Variants in GNB1L observed in about 807,000 individuals in gnomAD.
GNB1L encodes the protein G protein subunit beta 1 like, also known as guanine nucleotide-binding protein subunit beta-like protein 1.
In GNB1L, 20 loss-of-function variants were observed where a neutral mutation model predicts 29.1. The observed-to-expected ratio is 0.69, with a 90% CI of 0.48 to 1.00. The LOEUF (loss-of-function observed/expected upper bound fraction) is 1.00. Ranked by LOEUF, GNB1L falls within the 50% of genes least tolerant of loss-of-function variation. The pLI, the probability that GNB1L is intolerant of heterozygous loss-of-function variation, is 0.00. For synonymous variants in GNB1L, 193 were observed against 206.5 expected, an observed-to-expected ratio of 0.93 and a Z score of 0.56; for missense variants, 421 against 464.9, an observed-to-expected ratio of 0.91 and a Z score of 0.87.
At position 19,813,163 on chromosome 22, in the gene GNB1L, A is replaced by C. The variant is rs190353472; in HGVS notation, c.255-716T>G. ...CAGATGCACAGACAGAAATGAGTAC[A>C]GACGGGTGTGTAAGCACAGGTCAGC... On this transcript the variant is annotated intron_variant, in intron 4 of 7. Transcript: ENST00000329517. 3.9e-5 allele frequency among the ~76,000 whole-genome samples: 6 copies of C among 152,344 alleles called. No homozygotes were observed. In the East Asian group the frequency reaches 1.2e-3, roughly 29 times the overall value.
chr22:19,798,177 T>C (rs1937328892), intron 7 of GNB1L, among the ~76,000 whole-genome samples: 1 of 152,086 alleles, frequency 6.6e-6, no homozygotes, highest in Non-Finnish European at 1.5e-5. Flanking sequence ...CGCGGGGCCG[T>C]CAAGTCCAGC....
chr22:19,789,526 A>T lies in GNB1L; in HGVS notation c.733-566T>A, dbSNP rs559205163. ...GCAGGATGAGGGGGGGACAAGGGGG[A>T]GACGCCCTGGAGGCGGCAGGAGCCA... On this transcript the variant is annotated intron_variant, in intron 7 of 7. Transcript: ENST00000329517. Among the ~76,000 whole-genome samples, 14 of 151,242 alleles carry T rather than the reference A, an allele frequency of 9.3e-5. No individual in the cohort carries two copies. The South Asian group carries it at 2.9e-3, about 32-fold the overall frequency.
intron 2 of GNB1L, among the ~76,000 whole-genome samples, chr22:19,838,573 C>T (rs1475589383): frequency 1.3e-5 from 2 of 151,962 alleles, no homozygotes; most frequent in Non-Finnish European, 2.9e-5. Context: ...CAGGTTCAAG[C>T]GATTCTCCTG....
At chr22:19,825,448 T>G (rs887587544) in intron 2 of GNB1L, among the ~76,000 whole-genome samples, 1 of 144,662 alleles carries the variant, frequency 6.9e-6, no homozygotes, top group African/African-American at 2.6e-5. Context: ...AGGGAGACCT[T>G]GCCTTTACAA....
At position 19,820,537 on chromosome 22, in the gene GNB1L, C is replaced by T. The variant is rs554963616; in HGVS notation, c.254+61G>A. On this transcript the variant is annotated intron_variant, in intron 4 of 7. Transcript: ENST00000329517. ...CCTCAGTGGGGGACACCAGAGCCTC[C>T]ATCAGAGAGTTCCTGACTCCCCCGA... 26 of 1,550,156 alleles carry T rather than the reference C, an allele frequency of 1.7e-5. No individual in the cohort carries two copies. In the African/African-American group the frequency reaches 3.0e-4, roughly 18 times the overall value.
chr22:19,790,007 G>C (rs1010849856), intron 7 of GNB1L, among the ~76,000 whole-genome samples: 1 of 152,208 alleles, frequency 6.6e-6, no homozygotes, highest in African/African-American at 2.4e-5. Flanking sequence ...TGCCTGCAAG[G>C]CTGAGGAGGA....
intron 7 of GNB1L, among the ~76,000 whole-genome samples, chr22:19,800,792 C>T (rs1417874182): frequency 6.6e-6 from 1 of 152,214 alleles, no homozygotes; most frequent in Non-Finnish European, 1.5e-5. Context: ...GCACTGGGGC[C>T]GCTCACAGAA....
intron 4 of GNB1L, among the ~76,000 whole-genome samples, chr22:19,818,965 G>T (rs573735892): frequency 6.6e-6 from 1 of 152,322 alleles, no homozygotes; most frequent in South Asian, 2.1e-4. Flanking sequence ...GGGAAACAGA[G>T]AAGCCCCTCA....
At chr22:19,818,061 C>T (rs1452095089) in intron 4 of GNB1L, among the ~76,000 whole-genome samples, 4 of 152,198 alleles carry the variant, frequency 2.6e-5, no homozygotes, top group East Asian at 1.9e-4. Context: ...GGCCGGGTGG[C>T]GGCCCACAGG....
intron 2 of GNB1L, among the ~76,000 whole-genome samples, chr22:19,830,505 G>C (rs555430893): frequency 6.6e-6 from 1 of 152,022 alleles, no homozygotes; most frequent in Non-Finnish European, 1.5e-5. Context: ...CCTACATGAA[G>C]AAAATGTTAA....
At position 19,802,063 on chromosome 22, in the gene GNB1L, T is replaced by C. The variant is rs753443329; in HGVS notation, c.670A>G (p.Ile224Val). ...AGCGCCTTCCCCGCGGAGCCTGAGA[T>C]GCCCCTGGCCTTCTGGGAGTCAAAG... ...LDFDSQKARG[I>V]SGSAGKALAV... The change falls in exon 7 of 8, where the codon ATC (isoleucine) becomes GTC (valine). Residue 224 changes from isoleucine (I) to valine (V), a missense_variant. Ile to Val is a conservative substitution (Grantham distance 29). Coordinates refer to ENST00000329517, the MANE Select transcript of GNB1L (RefSeq NM_053004.3). 5 of 1,612,870 alleles carry C rather than the reference T, an allele frequency of 3.1e-6. No individual in the cohort carries two copies. In the Admixed American group the frequency reaches 6.7e-5, roughly 22 times the overall value.
intron 7 of GNB1L, among the ~76,000 whole-genome samples, chr22:19,801,366 CT>C (rs1937368724): frequency 6.6e-6 from 1 of 152,208 alleles, no homozygotes; most frequent in Non-Finnish European, 1.5e-5. Context: ...GGAGACTCCC[CT>C]TGCCCCCACC....
At chr22:19,821,115 G>C (rs568580721) in intron 3 of GNB1L, 113 bp downstream of exon 3, 3 of 1,058,756 alleles carry the variant, frequency 2.8e-6, no homozygotes, top group Non-Finnish European at 4.1e-6. Context: ...CCTGGGTGGC[G>C]AGCAGTCCAT....
chr22:19,846,404 T>C, intron 2 of GNB1L: 1 of 984,956 alleles, frequency 1.0e-6, no homozygotes, highest in African/African-American at 1.7e-5. Context: ...AACTGGGCAC[T>C]GCCTACTCAA....
intron 2 of GNB1L, chr22:19,848,331 G>A (rs1020728578): frequency 8.1e-6 from 8 of 985,342 alleles, no homozygotes; most frequent in African/African-American, 1.7e-5. Flanking sequence ...TGCAGCTCCT[G>A]AGCACCCTGC....
intron 2 of GNB1L, chr22:19,851,930 G>C: frequency 6.2e-7 from 1 of 1,614,068 alleles, no homozygotes; most frequent in Non-Finnish European, 8.5e-7. Flanking sequence ...CAGTAGCCAC[G>C]GGGAGCCATC....
At chr22:19,800,264 T>C (rs558474009) in intron 7 of GNB1L, among the ~76,000 whole-genome samples, 21 of 152,366 alleles carry the variant, frequency 1.4e-4, no homozygotes, top group African/African-American at 4.8e-4. Context: ...GAGGCAGATC[T>C]GGGCCAGGAC....
At position 19,788,829 on chromosome 22, in the gene GNB1L, C is replaced by T; in HGVS notation, c.864G>A (p.Leu288=). The change falls in exon 8 of 8, where the codon CTG becomes CTA. Residue 288 remains leucine, a synonymous_variant. Coordinates refer to ENST00000329517, the MANE Select transcript of GNB1L (RefSeq NM_053004.3). ...RVFHWRTMQP[L]AVLAFHSAAV... is the part of the protein sequence containing the mutation. The stretch of plus-strand genomic sequence containing the variant: ...CGGCGCTGTGGAAGGCCAGCACGGC[C>T]AGTGGCTGCATCGTCCGCCAGTGGA... 1 of 1,612,626 alleles carries T rather than the reference C, an allele frequency of 6.2e-7. No individual in the cohort carries two copies. The highest frequency in any genetic ancestry group is 8.5e-7 in the Non-Finnish European group (1 of 1,179,886).
chr22:19,840,329 G>C (rs1403728155), intron 2 of GNB1L, among the ~76,000 whole-genome samples: 1 of 152,208 alleles, frequency 6.6e-6, no homozygotes, highest in Non-Finnish European at 1.5e-5. Flanking sequence ...AGGAGGAGTA[G>C]ATAACTCCCA....
Sources: gnomAD v4.1 joint callset for allele counts (sites outside exome capture counted in the v4.1 genomes callset) on GRCh38, gnomAD v4.1.1 for gene constraint, MANE v1.5 for transcripts, NCBI Gene and HGNC (gene_info 2026-07-23, HGNC 2026-07-21) for gene names.